Variants in APH1B observed in about 807,000 individuals in gnomAD.
APH1B encodes the protein aph-1B gamma-secretase subunit, also known as gamma-secretase subunit APH-1B.
APH1B carries 27 observed loss-of-function variants against 28.2 expected under a neutral mutation model. The observed-to-expected ratio is 0.96, with a 90% CI of 0.70 to 1.32. The LOEUF is 1.32. Ranked by LOEUF, APH1B falls within the 40% of genes most tolerant of loss-of-function variation. The probability of loss-of-function intolerance (pLI) is 0.00; values close to 1 mark genes in which losing one functional copy is unlikely to be tolerated. For missense variants in APH1B, 305 were observed against 313.6 expected (o/e 0.97, Z 0.21); for synonymous variants, 141 against 124.6 (o/e 1.13, Z -0.88).
At chr15:63,305,026 T>C (rs925246972) in intron 5 of APH1B, among the ~76,000 whole-genome samples, 7 of 152,242 alleles carry the variant, frequency 4.6e-5, no homozygotes, top group African/African-American at 1.7e-4. Context: ...ATAATTATGC[T>C]GTCCTAGCAT....
chr15:63,293,202 T>C (rs956377042), intron 4 of APH1B, among the ~76,000 whole-genome samples: 1 of 152,044 alleles, frequency 6.6e-6, no homozygotes, highest in Non-Finnish European at 1.5e-5. Flanking sequence ...TCTTACTCTG[T>C]TGCCCAGGCT....
Position 63,305,691 on chromosome 15 carries a change from C to T in APH1B, c.684C>T (p.Phe228=), listed in dbSNP as rs200671857. 6.2e-7 allele frequency: 1 copy of T among 1,614,222 alleles called. No homozygotes were observed. The highest frequency in any genetic ancestry group is 1.1e-5 in the South Asian group (1 of 91,076). The change falls in exon 6 of 6, where the codon TTC becomes TTT. Residue 228 remains phenylalanine, a synonymous_variant. Transcript: ENST00000261879. ...IILVLMGTWA[F]LAAGGSCRSL... is the part of the protein sequence containing the mutation. ...TGGTGCTCATGGGCACCTGGGCATT[C>T]TTAGCTGCGGGAGGCAGCTGCCGAA... is the stretch of plus-strand genomic sequence containing the variant.
intron 2 of APH1B, among the ~76,000 whole-genome samples, chr15:63,285,130 G>A (rs992502408): frequency 6.6e-6 from 1 of 152,138 alleles, no homozygotes; most frequent in African/African-American, 2.4e-5. Flanking sequence ...CACCAAAATG[G>A]CAGATTGTTT....
rs1415615637 is a variant in APH1B, at chr15:63,301,148, A to C, written c.479-1197A>C. Among the ~76,000 whole-genome samples, 3 of 152,218 alleles carry C rather than the reference A, an allele frequency of 2.0e-5. 1 individual carries two copies. Among genetic ancestry groups the C allele is most frequent in the Non-Finnish European group, 2.9e-5 (2 of 68,028 alleles). On this transcript the variant is annotated intron_variant, in intron 4 of 5. Transcript: ENST00000261879. ...TGGGTCCCCATAATTTGGAGTTCTAACAAGTTCCCAGGTGCAGTGATCTAT... is the reference window on the plus strand; with the variant it reads ...TGGGTCCCCATAATTTGGAGTTCTACCAAGTTCCCAGGTGCAGTGATCTAT...
chr15:63,287,055 C>G (rs1483902934), intron 3 of APH1B: 1 of 230,804 alleles, frequency 4.3e-6, no homozygotes, highest in Non-Finnish European at 8.4e-6. Flanking sequence ...ATACACAGTT[C>G]CCCTTTACAC....
chr15:63,303,397 G>C (rs149908971), intron 5 of APH1B, among the ~76,000 whole-genome samples: 1 of 152,302 alleles, frequency 6.6e-6, no homozygotes, highest in African/African-American at 2.4e-5. Flanking sequence ...ATGTTTGTGG[G>C]ATTCATCTTC....
chr15:63,286,673 T>C (rs1256264265), intron 3 of APH1B, 45 bp downstream of exon 3: 1 of 1,525,496 alleles, frequency 6.6e-7, no homozygotes, highest in South Asian at 1.2e-5. Flanking sequence ...AAATCATACT[T>C]GGCATAAAAG....
rs1371364134 is a variant in APH1B, at chr15:63,307,325, A to AT, written c.*1545dup. ...TTACTCATGAACTAGACCTTTATCG[A>AT]TATCAGTGAACCCCCATGTTTAAAA... On this transcript the variant is annotated 3_prime_UTR_variant, in exon 6 of 6. Coordinates refer to ENST00000261879, the MANE Select transcript of APH1B (RefSeq NM_031301.4). The AT allele has an allele frequency of 6.6e-6, 1 of 152,184 alleles. No individual in the cohort carries two copies. The highest frequency in any genetic ancestry group is 1.5e-5 in the Non-Finnish European group (1 of 68,030). 9.4% of individuals were successfully genotyped at this position (152,184 alleles called of 1,614,324 possible).
Position 63,286,602 on chromosome 15 carries a change from C to T in APH1B, c.329C>T (p.Ala110Val), listed in dbSNP as rs377619266. Residue 110 changes from alanine to valine, a missense_variant, in exon 3 of 6, where the codon GCA becomes GTA. Coordinates refer to ENST00000261879, the MANE Select transcript of APH1B (RefSeq NM_031301.4). ...AAGAGTATAAACCCAGGTGAGACAGCACCCTCTATGCGACTGCTGGCCTAT... is the reference window on the plus strand; with the variant it reads ...AAGAGTATAAACCCAGGTGAGACAGTACCCTCTATGCGACTGCTGGCCTAT... Reference protein sequence around the residue: ...GLKSINPGETAPSMRLLAYVS... With the variant: ...GLKSINPGETVPSMRLLAYVS... The T allele has an allele frequency of 1.9e-6, 3 of 1,607,942 alleles. No individual in the cohort carries two copies. The highest frequency in any genetic ancestry group is 1.7e-5 in the Admixed American group (1 of 58,970).
intron 4 of APH1B, among the ~76,000 whole-genome samples, chr15:63,288,434 A>G (rs570245313): frequency 6.6e-6 from 1 of 152,342 alleles, no homozygotes; most frequent in Admixed American, 6.5e-5. Flanking sequence ...GTGGACACTC[A>G]TTCACCATTC....
intron 1 of APH1B, chr15:63,278,242 GAAAA>G: frequency 2.3e-6 from 1 of 427,456 alleles, no homozygotes; most frequent in Non-Finnish European, 4.6e-6. Context: ...TCGGGCTTCA[GAAAA>G]AAAAAAAAAA....
At chr15:63,303,686 G>A (rs777179996) in intron 5 of APH1B, among the ~76,000 whole-genome samples, 8 of 152,192 alleles carry the variant, frequency 5.3e-5, no homozygotes, top group South Asian at 2.1e-4. Flanking sequence ...TTGTAGAGAT[G>A]AGCTCTATGT....
At chr15:63,291,487 G>A (rs944387848) in intron 4 of APH1B, among the ~76,000 whole-genome samples, 5 of 152,166 alleles carry the variant, frequency 3.3e-5, no homozygotes, top group African/African-American at 1.2e-4. Context: ...GACCACATAT[G>A]GAGTGTTGTA....
intron 4 of APH1B, among the ~76,000 whole-genome samples, chr15:63,297,297 G>A (rs369587329): frequency 1.1e-4 from 16 of 152,222 alleles, no homozygotes; most frequent in African/African-American, 3.1e-4. Context: ...AGCTGAGGTG[G>A]GCAGATTGCC....
At chr15:63,296,436 C>T (rs1345082178) in intron 4 of APH1B, among the ~76,000 whole-genome samples, 1 of 152,154 alleles carries the variant, frequency 6.6e-6, no homozygotes, top group Non-Finnish European at 1.5e-5. Context: ...ATACCCTGCC[C>T]GTGTTAGGGG....
chr15:63,284,153 A>G (rs1186004838), intron 2 of APH1B, among the ~76,000 whole-genome samples: 1 of 151,372 alleles, frequency 6.6e-6, no homozygotes, highest in African/African-American at 2.4e-5. Context: ...TTTTATAAAA[A>G]CTATTAACAG....
chr15:63,281,760 CT>C (rs534635408), intron 2 of APH1B, among the ~76,000 whole-genome samples: 396 of 142,124 alleles, frequency 2.8e-3, no homozygotes, highest in East Asian at 5.3e-3. Flanking sequence ...TATTGTTCCT[CT>C]TTTTTTTTTT....
chr15:63,296,250 T>C (rs16946757), intron 4 of APH1B, among the ~76,000 whole-genome samples: 6,532 of 152,194 alleles, frequency 0.043, 225 homozygotes, highest in East Asian at 0.16. Context: ...TCCTGCTTCA[T>C]GGAACCCTGA....
intron 2 of APH1B, among the ~76,000 whole-genome samples, chr15:63,281,903 A>G (rs76933641): frequency 0.015 from 2,235 of 152,286 alleles, 67 homozygotes; most frequent in African/African-American, 0.052. Flanking sequence ...GAATGCCAGG[A>G]AGTTCAGAGA....
Sources: allele counts gnomAD v4.1 joint callset (sites outside exome capture counted in the v4.1 genomes callset), GRCh38; gene constraint gnomAD v4.1.1; transcripts MANE v1.5; gene names NCBI Gene and HGNC (gene_info 2026-07-23, HGNC 2026-07-21).